FNBP1: variants seen among roughly 807,000 people sequenced by gnomAD.
The protein encoded by FNBP1 is formin-binding protein 1.
FNBP1 carries 26 observed loss-of-function variants against 90.6 expected under a neutral mutation model. The ratio of observed to expected loss-of-function variants is 0.29; its 90% CI spans 0.21 to 0.40. The LOEUF (loss-of-function observed/expected upper bound fraction) is 0.40. Ranked by LOEUF, FNBP1 falls within the 10% of genes least tolerant of loss-of-function variation. The pLI is 1.00. For missense variants in FNBP1, 635 were observed against 768.0 expected, an observed-to-expected ratio of 0.83 and a Z score of 2.05; for synonymous variants, 260 against 265.2, an observed-to-expected ratio of 0.98 and a Z score of 0.19.
intron 4 of FNBP1, 89 bp from the exon 5 acceptor site, chr9:129,958,642 CT>C: frequency 9.6e-7 from 1 of 1,036,422 alleles, no homozygotes; most frequent in East Asian, 2.6e-5. Context: ...TAAACAACAT[CT>C]AAATATTGAA....
Position 129,888,725 on chromosome 9 carries a change from C to T in FNBP1, c.*1814G>A, listed in dbSNP as rs934887308. On this transcript the variant is annotated 3_prime_UTR_variant, in exon 17 of 17. Transcript: ENST00000446176. ...CTCTGCGCTTGTGGTTTCTCGTCCC[C>T]GAGGGCTGACTGAGCTGCTCCGGAA... 1.3e-5 allele frequency: 3 copies of T among 233,276 alleles called. No individual in the cohort carries two copies. Among genetic ancestry groups the T allele is most frequent in the Non-Finnish European group, 2.5e-5 (3 of 118,056 alleles). 14.5% of individuals were successfully genotyped at this position (233,276 alleles called of 1,614,324 possible).
chr9:129,948,263 A>G (rs2045630632), intron 6 of FNBP1, among the ~76,000 whole-genome samples: 1 of 151,852 alleles, frequency 6.6e-6, no homozygotes, highest in Non-Finnish European at 1.5e-5. Flanking sequence ...ACAAAGGGAG[A>G]GACCCTGTCT....
chr9:129,937,982 G>A lies in FNBP1; in HGVS notation c.514-8287C>T, dbSNP rs143937526. The stretch of plus-strand genomic sequence containing the variant: ...GATTGAGACCAGCCTGGCCAATATG[G>A]TGAAACCCCATCTCTACTAAAAAAT... On this transcript the variant is annotated intron_variant, in intron 6 of 16. Transcript: ENST00000446176. 7.2e-5 allele frequency among the ~76,000 whole-genome samples: 11 copies of A among 152,120 alleles called. No individual in the cohort carries two copies. In the East Asian group the frequency reaches 2.1e-3, roughly 29 times the overall value.
chr9:130,052,841 G>A, the FNBP1 span, among the ~76,000 whole-genome samples: 1 of 152,012 alleles, frequency 6.6e-6, no homozygotes. Context: ...CAGGTTGGGC[G>A]CAGTGACTCA....
At chr9:129,891,557 T>C (rs1275226508) in intron 16 of FNBP1, among the ~76,000 whole-genome samples, 1 of 152,228 alleles carries the variant, frequency 6.6e-6, no homozygotes, top group Non-Finnish European at 1.5e-5. Flanking sequence ...AACTCTTGGC[T>C]CTTCAGCAGT....
chr9:129,891,754 G>A (rs2035129679), intron 16 of FNBP1, among the ~76,000 whole-genome samples: 1 of 151,988 alleles, frequency 6.6e-6, no homozygotes, highest in Non-Finnish European at 1.5e-5. Flanking sequence ...AGGTAGGGGT[G>A]GGAGGCAGAA....
At chr9:129,936,934 C>G (rs912500252) in intron 6 of FNBP1, among the ~76,000 whole-genome samples, 2 of 152,182 alleles carry the variant, frequency 1.3e-5, no homozygotes, top group Non-Finnish European at 2.9e-5. Context: ...CTTTGGGAGG[C>G]TGAGGCAGGT....
chr9:130,053,782 G>T, the FNBP1 span: 1 of 715,856 alleles, frequency 1.4e-6, no homozygotes, highest in East Asian at 2.8e-5. Context: ...CAGGCTCCTC[G>T]ACGACTTCCT....
Position 129,970,345 on chromosome 9 carries a change from G to A in FNBP1, c.345+8120C>T, listed in dbSNP as rs1403526017. ...CTCAGCCTCCCGAGTAGCTGGGATT[G>A]CAGACATGCACAACCAAGCCCAGCT... On this transcript the variant is annotated intron_variant, in intron 4 of 16. Coordinates refer to ENST00000446176, the MANE Select transcript of FNBP1 (RefSeq NM_015033.3). 2.6e-5 allele frequency among the ~76,000 whole-genome samples: 4 copies of A among 151,916 alleles called. 1 individual carries two copies. The highest frequency in any genetic ancestry group is 6.6e-5 in the Admixed American group (1 of 15,234).
intron 1 of FNBP1, among the ~76,000 whole-genome samples, chr9:130,027,291 A>C (rs896510445): frequency 1.3e-5 from 2 of 152,182 alleles, no homozygotes; most frequent in Non-Finnish European, 2.9e-5. Flanking sequence ...GCCATCATGA[A>C]GTCTTAATGT....
intron 6 of FNBP1, among the ~76,000 whole-genome samples, chr9:129,949,595 C>T (rs539677653): frequency 3.9e-5 from 6 of 152,144 alleles, no homozygotes; most frequent in East Asian, 1.9e-4. Flanking sequence ...GGCACATTGG[C>T]TCACACCTGC....
At chr9:129,987,359 C>T (rs2052441822) in intron 2 of FNBP1, among the ~76,000 whole-genome samples, 1 of 151,898 alleles carries the variant, frequency 6.6e-6, no homozygotes, top group Admixed American at 6.6e-5. Flanking sequence ...CAACTGAGGG[C>T]CTCGGGTTTC....
chr9:129,923,790 C>A, intron 10 of FNBP1, 54 bp downstream of exon 10: 1 of 1,490,440 alleles, frequency 6.7e-7, no homozygotes, highest in Non-Finnish European at 8.9e-7. Context: ...TTATGCAGAA[C>A]CAAACATGCA....
intron 11 of FNBP1, among the ~76,000 whole-genome samples, chr9:129,909,886 A>T (rs547166759): frequency 6.6e-6 from 1 of 152,312 alleles, no homozygotes; most frequent in African/African-American, 2.4e-5. Context: ...CGCCCAGCCT[A>T]GTGACTTCTT....
chr9:129,935,110 C>T lies in FNBP1; in HGVS notation c.514-5415G>A, dbSNP rs564180720. On this transcript the variant is annotated intron_variant, in intron 6 of 16. Coordinates refer to ENST00000446176, the MANE Select transcript of FNBP1 (RefSeq NM_015033.3). Reference sequence around the variant, plus strand: ...CATGGCCTAAATGTGTGGCTATTTCCTGTTTAGCTCATTTTTTTTTTTTTT... The same window carrying T: ...CATGGCCTAAATGTGTGGCTATTTCTTGTTTAGCTCATTTTTTTTTTTTTT... Among the ~76,000 whole-genome samples, 79 of 149,004 alleles carry T rather than the reference C, an allele frequency of 5.3e-4. No homozygotes were observed. In the Middle Eastern group the frequency reaches 0.01, roughly 20 times the overall value.
intron 6 of FNBP1, among the ~76,000 whole-genome samples, chr9:129,950,296 A>G (rs1002524105): frequency 1.3e-5 from 2 of 152,218 alleles, no homozygotes; most frequent in African/African-American, 4.8e-5. Flanking sequence ...CTCAGCTTCA[A>G]TGTTTGTGAT....
chr9:129,905,594 C>T (rs1158498461), intron 12 of FNBP1, among the ~76,000 whole-genome samples: 1 of 152,150 alleles, frequency 6.6e-6, no homozygotes, highest in Non-Finnish European at 1.5e-5. Flanking sequence ...CAGGCATGAG[C>T]CACCATGCCC....
At position 129,957,706 on chromosome 9, in the gene FNBP1, C is replaced by G. The variant is rs1281658996; in HGVS notation, c.409-242G>C. 6.6e-6 allele frequency among the ~76,000 whole-genome samples: 1 copy of G among 152,126 alleles called. No individual in the cohort carries two copies. Among genetic ancestry groups the G allele is most frequent in the Non-Finnish European group, 1.5e-5 (1 of 68,026 alleles). On this transcript the variant is annotated intron_variant, in intron 5 of 16. Coordinates refer to ENST00000446176, the MANE Select transcript of FNBP1 (RefSeq NM_015033.3). This position sits in a 1 kb window ranked among gnomAD's most constrained non-coding sequence, Gnocchi z 4.3. Reference sequence around the variant, plus strand: ...TGCTGTGACTACAGGCATGCACCACCATGCCCAGCTAATTTTTGCATTTTT... The same window carrying G: ...TGCTGTGACTACAGGCATGCACCACGATGCCCAGCTAATTTTTGCATTTTT...
chr9:129,993,079 T>C (rs1224022289), intron 2 of FNBP1, among the ~76,000 whole-genome samples: 1 of 150,290 alleles, frequency 6.7e-6, no homozygotes, highest in Non-Finnish European at 1.5e-5. Context: ...ATACAAAAAT[T>C]AGCCAGGCAT....
Sources: gnomAD v4.1 joint callset for allele counts (sites outside exome capture counted in the v4.1 genomes callset) on GRCh38, gnomAD v4.1.1 for gene constraint, Gnocchi (gnomAD v3.1) non-coding constraint, MANE v1.5 for transcripts, NCBI Gene and HGNC (gene_info 2026-07-23, HGNC 2026-07-21) for gene names.